CEP112: variants seen among roughly 807,000 people sequenced by gnomAD.
The protein encoded by CEP112 is centrosomal protein of 112 kDa.
A neutral mutation model predicts 153.0 loss-of-function variants in CEP112; 127 were observed. The observed-to-expected ratio is 0.83, with a 90% CI of 0.72 to 0.96. The LOEUF (loss-of-function observed/expected upper bound fraction) is 0.96, where lower values mean the gene tolerates loss of function less well. CEP112 is among the 40% of genes least tolerant of loss of function. CEP112 has a pLI of 0.00. For synonymous variants in CEP112, 358 were observed against 374.4 expected (o/e 0.96, Z 0.51); for missense variants, 1,089 against 1,101.2 (o/e 0.99, Z 0.16).
chr17:65,708,143 C>G (rs1158992001), intron 23 of CEP112, among the ~76,000 whole-genome samples: 1 of 151,980 alleles, frequency 6.6e-6, no homozygotes, highest in African/African-American at 2.4e-5. Flanking sequence ...ACTGACAACC[C>G]CCCGCACTTT....
intron 24 of CEP112, among the ~76,000 whole-genome samples, chr17:65,675,062 T>C (rs922981375): frequency 1.3e-5 from 2 of 152,096 alleles, no homozygotes; most frequent in African/African-American, 2.4e-5. Context: ...AGTTTAACAG[T>C]AGGTTAGACA....
intron 21 of CEP112, among the ~76,000 whole-genome samples, chr17:65,835,869 A>C (rs1166436269): frequency 6.6e-6 from 1 of 152,246 alleles, no homozygotes; most frequent in Non-Finnish European, 1.5e-5. Context: ...TGTGTTCAGC[A>C]TGCAGACTAA....
At chr17:65,825,427 T>C (rs2146057491) in intron 21 of CEP112, among the ~76,000 whole-genome samples, 1 of 152,218 alleles carries the variant, frequency 6.6e-6, no homozygotes, top group South Asian at 2.1e-4. Context: ...TGCAGCCTGG[T>C]TCCTAACAGG....
intron 8 of CEP112, among the ~76,000 whole-genome samples, chr17:66,088,388 C>T (rs560656790): frequency 2.6e-5 from 4 of 152,252 alleles, no homozygotes; most frequent in South Asian, 2.1e-4. Flanking sequence ...AGGCTGGCCC[C>T]GACAACTTCA....
intron 21 of CEP112, among the ~76,000 whole-genome samples, chr17:65,753,098 A>G (rs1210925271): frequency 6.6e-6 from 1 of 152,174 alleles, no homozygotes; most frequent in East Asian, 1.9e-4. Context: ...AAAACAGGTG[A>G]GTTCTGTCCA....
At position 65,845,897 on chromosome 17, in the gene CEP112, A is replaced by T. The variant is rs149472679; in HGVS notation, c.2394+5907T>A. ...TTCATGTTTCTCTTAACTCAAAATC[A>T]TTGAAGATATCATTTGGGTCTAAAT... On this transcript the variant is annotated intron_variant, in intron 21 of 26. Coordinates refer to ENST00000535342, the MANE Select transcript of CEP112 (RefSeq NM_001199165.4). Among the ~76,000 whole-genome samples the T allele has an allele frequency of 2.6e-5, 4 of 152,344 alleles. No homozygotes were observed. The East Asian group carries it at 7.7e-4, about 29-fold the overall frequency.
At chr17:65,793,564 T>C (rs915399444) in intron 21 of CEP112, among the ~76,000 whole-genome samples, 1 of 152,232 alleles carries the variant, frequency 6.6e-6, no homozygotes, top group African/African-American at 2.4e-5. Context: ...GAACTCACAC[T>C]TTATCTCACA....
At chr17:66,100,888 T>C in intron 6 of CEP112, among the ~76,000 whole-genome samples, 1 of 152,092 alleles carries the variant, frequency 6.6e-6, no homozygotes, top group East Asian at 1.9e-4. Context: ...CTATAAGTAA[T>C]ATAGAGATTA....
chr17:66,039,705 G>A (rs1365790572), intron 12 of CEP112, among the ~76,000 whole-genome samples: 4 of 152,118 alleles, frequency 2.6e-5, no homozygotes, highest in Admixed American at 2.6e-4. Flanking sequence ...GCCACTAGAA[G>A]TGTGAACATT....
chr17:65,640,156 T>TATATATATATA (rs1567796006), intron 25 of CEP112, among the ~76,000 whole-genome samples: 15 of 32,332 alleles, frequency 4.6e-4, no homozygotes, highest in African/African-American at 3.4e-3. Context: ...ATATATATAT[T>TATATATATATA]TTTTTTTTTT....
At chr17:65,971,055 T>A (rs997329501) in intron 17 of CEP112, among the ~76,000 whole-genome samples, 2 of 152,250 alleles carry the variant, frequency 1.3e-5, no homozygotes, top group Non-Finnish European at 2.9e-5. Flanking sequence ...ATTACATGTC[T>A]ATTACATACA....
At chr17:65,647,766 A>C (rs939504158) in intron 24 of CEP112, among the ~76,000 whole-genome samples, 5 of 152,020 alleles carry the variant, frequency 3.3e-5, no homozygotes, top group Non-Finnish European at 7.4e-5. Flanking sequence ...GATAGGCATA[A>C]GCCACCATGC....
intron 5 of CEP112, among the ~76,000 whole-genome samples, chr17:66,132,185 A>G (rs1469631782): frequency 1.1e-4 from 12 of 107,648 alleles, no homozygotes; most frequent in South Asian, 5.6e-4. Context: ...AAAAAAAAAA[A>G]AAAAAAAAAA....
intron 24 of CEP112, among the ~76,000 whole-genome samples, chr17:65,659,073 A>G (rs1468794703): frequency 6.7e-6 from 1 of 150,342 alleles, no homozygotes; most frequent in East Asian, 2.0e-4. Flanking sequence ...TGCCTTGAAT[A>G]TCACCACCGC....
At chr17:66,111,259 G>A (rs990142288) in intron 6 of CEP112, among the ~76,000 whole-genome samples, 1 of 152,170 alleles carries the variant, frequency 6.6e-6, no homozygotes, top group African/African-American at 2.4e-5. Flanking sequence ...CTGTTGATAG[G>A]AATGCAAATT....
chr17:65,763,508 CT>C (rs200079638), intron 21 of CEP112, among the ~76,000 whole-genome samples: 6 of 149,530 alleles, frequency 4.0e-5, no homozygotes, highest in Non-Finnish European at 8.9e-5. Flanking sequence ...TTTTTTCAGT[CT>C]TTTTTTTTCT....
At chr17:65,754,483 CCTGTA>C (rs2052100791) in intron 21 of CEP112, among the ~76,000 whole-genome samples, 1 of 152,218 alleles carries the variant, frequency 6.6e-6, no homozygotes, top group Admixed American at 6.5e-5. Flanking sequence ...GTGGTGCATG[CCTGTA>C]ATCCCAGCTA....
intron 21 of CEP112, among the ~76,000 whole-genome samples, chr17:65,782,633 T>C (rs1458262558): frequency 6.6e-6 from 1 of 152,196 alleles, no homozygotes; most frequent in Non-Finnish European, 1.5e-5. Flanking sequence ...ATGTGGTACA[T>C]ATATACCATG....
At chr17:66,183,807 T>C (rs1233381356) in intron 1 of CEP112, among the ~76,000 whole-genome samples, 9 of 152,138 alleles carry the variant, frequency 5.9e-5, no homozygotes. Flanking sequence ...CTTCATCCTG[T>C]ATATAAAAAT....
Sources: gnomAD v4.1 joint callset for allele counts (sites outside exome capture counted in the v4.1 genomes callset) on GRCh38, gnomAD v4.1.1 for gene constraint, MANE v1.5 for transcripts, NCBI Gene and HGNC (gene_info 2026-07-23, HGNC 2026-07-21) for gene names.